PDIA4: variants seen among roughly 807,000 people sequenced by gnomAD.
PDIA4 encodes protein disulfide-isomerase A4.
A neutral mutation model predicts 62.1 loss-of-function variants in PDIA4; 33 were observed. That is an observed-to-expected ratio of 0.53 (90% confidence interval 0.40 to 0.71). The LOEUF (loss-of-function observed/expected upper bound fraction) is 0.71, where lower values mean the gene tolerates loss of function less well. PDIA4 is among the 30% of genes least tolerant of loss of function. PDIA4 has a pLI of 0.00. For synonymous variants in PDIA4, 341 were observed against 324.1 expected (o/e 1.05, Z -0.56); for missense variants, 804 against 813.6 (o/e 0.99, Z 0.14).
In PDIA4 at chr7:149,003,891, G is replaced by A. The variant is rs1480037116; in HGVS notation, c.1841C>T (p.Pro614Leu). The change falls in exon 10 of 10, where the codon CCA (proline) becomes CTA (leucine). Residue 614 changes from proline (P) to leucine (L), a missense_variant. Physicochemically the swap from Pro to Leu is moderately conservative, Grantham distance 98. Coordinates refer to ENST00000652332, the MANE Select transcript of PDIA4 (RefSeq NM_004911.5). ...YFAPSGDKKN[P>L]VKFEGGDRDL... ...TCTGTCTCCACCCTCAAATTTAACT[G>A]GGTTCTTTTTGTCCCCACTGGGGGC... is the stretch of plus-strand genomic sequence containing the variant. 1.2e-6 allele frequency: 2 copies of A among 1,613,268 alleles called. No individual in the cohort carries two copies. Among genetic ancestry groups the A allele is most frequent in the East Asian group, 2.2e-5 (1 of 44,864 alleles).
At position 149,021,073 on chromosome 7, in the gene PDIA4, C is replaced by T. The variant is rs767502349; in HGVS notation, c.163G>A (p.Asp55Asn). ...EEEDDDEEED[D>N]LEVKEENGVL... ...CCATTTTCTTCCTTAACTTCCAAGT[C>T]GTCTTCTTCCTCATCATCATCTTCC... Residue 55 changes from aspartate (D) to asparagine (N), a missense_variant, in exon 2 of 10, where the codon GAC (aspartate) becomes AAC (asparagine). By Grantham distance (23) the Asp-to-Asn change is conservative (BLOSUM62 1). Coordinates refer to ENST00000652332, the MANE Select transcript of PDIA4 (RefSeq NM_004911.5). The T allele has an allele frequency of 1.3e-5, 21 of 1,613,652 alleles. No individual in the cohort carries two copies. The highest frequency in any genetic ancestry group is 6.7e-5 in the Admixed American group (4 of 59,968).
chr7:149,004,312 C>T (rs760135544), intron 9 of PDIA4, 103 bp from the exon 10 acceptor site: 29 of 1,080,760 alleles, frequency 2.7e-5, no homozygotes, highest in African/African-American at 1.3e-4. Context: ...GGCCACCAGA[C>T]GGGCCAGTCA....
At chr7:149,023,967 C>T (rs970301765) in intron 1 of PDIA4, among the ~76,000 whole-genome samples, 5 of 152,116 alleles carry the variant, frequency 3.3e-5, no homozygotes, top group Admixed American at 6.5e-5. Context: ...TGAATTTTGG[C>T]GAGACATGGT....
In PDIA4 at chr7:149,011,973, C is replaced by T. The variant is rs370450689; in HGVS notation, c.852G>A (p.Gly284=). Residue 284 remains glycine (G), a synonymous_variant, in exon 6 of 10, where the codon GGG becomes GGA. Coordinates refer to ENST00000652332, the MANE Select transcript of PDIA4 (RefSeq NM_004911.5). The part of the protein sequence containing the change: ...GIVDYMIEQS[G]PPSKEILTLK... ...GGGTCAGAATCTCCTTGGAGGGAGG[C>T]CCGGACTGCTCGATCATGTAATCAA... 1.1e-4 allele frequency: 179 copies of T among 1,603,132 alleles called. No individual in the cohort carries two copies. The South Asian group carries it at 1.8e-3, about 16-fold the overall frequency.
In PDIA4 at chr7:149,019,200, A is replaced by G; in HGVS notation, c.270-3T>C. ...CAAACTGCTTGCAATGTCCACACCTAACAATTAGATTAGGAAGGGCAAAAA... is the reference window on the plus strand; with the variant it reads ...CAAACTGCTTGCAATGTCCACACCTGACAATTAGATTAGGAAGGGCAAAAA... On this transcript the variant is annotated splice_region_variant and splice_polypyrimidine_tract_variant and intron_variant, in intron 2 of 9. Coordinates refer to ENST00000652332, the MANE Select transcript of PDIA4 (RefSeq NM_004911.5). 6.2e-7 allele frequency: 1 copy of G among 1,607,064 alleles called. No homozygotes were observed. Among genetic ancestry groups the G allele is most frequent in the Non-Finnish European group, 8.5e-7 (1 of 1,173,640 alleles).
chr7:149,004,236 G>A (rs1453874248), intron 9 of PDIA4, 27 bp from the exon 10 acceptor site: 2 of 1,595,246 alleles, frequency 1.3e-6, no homozygotes, highest in Non-Finnish European at 8.5e-7. Flanking sequence ...GGCGGGAGGG[G>A]GCGTCAGTGC....
intron 5 of PDIA4, 40 bp from the exon 6 acceptor site, chr7:149,012,044 C>T (rs761711328): frequency 6.3e-7 from 1 of 1,598,394 alleles, no homozygotes; most frequent in Admixed American, 1.7e-5. Context: ...GCACTAAGAA[C>T]TGCCCACTTC....
intron 3 of PDIA4, among the ~76,000 whole-genome samples, chr7:149,018,156 G>A (rs1824208786): frequency 6.6e-6 from 1 of 152,004 alleles, no homozygotes; most frequent in South Asian, 2.1e-4. Context: ...TTGAACCCAG[G>A]AGGCGGAGGT....
At chr7:149,010,304 A>G (rs892623568) in intron 6 of PDIA4, among the ~76,000 whole-genome samples, 6 of 152,088 alleles carry the variant, frequency 3.9e-5, no homozygotes, top group African/African-American at 1.4e-4. Flanking sequence ...GTTCAAGACC[A>G]GCTGGGCAAC....
In PDIA4 at chr7:149,004,060, A is replaced by G; in HGVS notation, c.1672T>C (p.Cys558Arg). ...IEFYAPWCGH[C>R]KQLEPVYNSL... ...TTGTACACGGGCTCTAGCTGCTTGC[A>G]GTGCCCGCACCATGGCGCGTAGAAC... Residue 558 changes from cysteine to arginine, a missense_variant, in exon 10 of 10, where the codon TGC (cysteine) becomes CGC (arginine). Coordinates refer to ENST00000652332, the MANE Select transcript of PDIA4 (RefSeq NM_004911.5). The G allele has an allele frequency of 6.2e-7, 1 of 1,614,190 alleles. No homozygotes were observed. The highest frequency in any genetic ancestry group is 8.5e-7 in the Non-Finnish European group (1 of 1,180,042).
intron 3 of PDIA4, among the ~76,000 whole-genome samples, chr7:149,016,811 T>A (rs1440742293): frequency 2.0e-5 from 3 of 152,184 alleles, no homozygotes; most frequent in African/African-American, 7.2e-5. Flanking sequence ...GTGCCCAGCC[T>A]ACTAGTACCT....
intron 1 of PDIA4, among the ~76,000 whole-genome samples, chr7:149,021,584 C>G (rs973760850): frequency 6.6e-6 from 1 of 151,518 alleles, no homozygotes; most frequent in African/African-American, 2.4e-5. Flanking sequence ...ACGTCATTGG[C>G]TGGTGACATC....
chr7:149,021,530 A>C (rs1824356086), intron 1 of PDIA4, among the ~76,000 whole-genome samples: 1 of 148,918 alleles, frequency 6.7e-6, no homozygotes, highest in Non-Finnish European at 1.5e-5. Flanking sequence ...AAATTCATAC[A>C]CTTCAGAATG....
chr7:149,004,869 T>G (rs887777490), intron 9 of PDIA4, among the ~76,000 whole-genome samples: 4 of 152,212 alleles, frequency 2.6e-5, no homozygotes, highest in African/African-American at 7.2e-5. Flanking sequence ...TGCTTTTGCT[T>G]TCAAAGTAAA....
chr7:149,023,010 A>C (rs1185367792), intron 1 of PDIA4, among the ~76,000 whole-genome samples: 4 of 152,182 alleles, frequency 2.6e-5, no homozygotes, highest in South Asian at 4.1e-4. Context: ...GGAGGGAGAA[A>C]GAGCTCTAAA....
chr7:149,014,925 A>C lies in PDIA4; in HGVS notation c.593T>G (p.Leu198Arg). ...TTACCATGGGGCATAAAACTCCACC[A>C]GAATGATATCTGCATCATTCACAAC... is the stretch of plus-strand genomic sequence containing the variant. ...DEVVNDADII[L>R]VEFYAPWCGH... The change falls in exon 4 of 10, where the codon CTG becomes CGG. Residue 198 changes from leucine (L) to arginine (R), a missense_variant. By Grantham distance (102) the Leu-to-Arg change is moderately radical. Coordinates refer to ENST00000652332, the MANE Select transcript of PDIA4 (RefSeq NM_004911.5). 6.2e-7 allele frequency: 1 copy of C among 1,614,124 alleles called. No homozygotes were observed. Among genetic ancestry groups the C allele is most frequent in the Non-Finnish European group, 8.5e-7 (1 of 1,179,932 alleles).
intron 1 of PDIA4, among the ~76,000 whole-genome samples, chr7:149,025,497 G>T (rs1268928671): frequency 1.3e-5 from 2 of 152,160 alleles, no homozygotes; most frequent in African/African-American, 2.4e-5. Flanking sequence ...GGTATTTATT[G>T]TATGTACCAG....
intron 3 of PDIA4, among the ~76,000 whole-genome samples, chr7:149,017,347 G>A (rs1405460764): frequency 6.6e-6 from 1 of 152,210 alleles, no homozygotes; most frequent in Non-Finnish European, 1.5e-5. Flanking sequence ...ACTTTGGGAG[G>A]CCGAGGTGGG....
intron 6 of PDIA4, among the ~76,000 whole-genome samples, chr7:149,008,994 C>T (rs755401529): frequency 5.3e-5 from 8 of 151,870 alleles, no homozygotes; most frequent in Non-Finnish European, 1.2e-4. Flanking sequence ...GGCGTGATTT[C>T]GGCTCACTGC....
Sources: gnomAD v4.1 joint callset for allele counts (sites outside exome capture counted in the v4.1 genomes callset) on GRCh38, gnomAD v4.1.1 for gene constraint, MANE v1.5 for transcripts, NCBI Gene and HGNC (gene_info 2026-07-23, HGNC 2026-07-21) for gene names.